SMG6: variants seen among roughly 807,000 people sequenced by gnomAD.
The protein encoded by SMG6 is telomerase-binding protein EST1A.
Under a neutral mutation model 142.2 loss-of-function variants are expected in SMG6, and 66 were observed. That is an observed-to-expected ratio of 0.46 (90% CI 0.38 to 0.57). SMG6 has a LOEUF of 0.57. Ranked by LOEUF, SMG6 falls within the 20% of genes least tolerant of loss-of-function variation. SMG6 has a pLI of 0.00. For missense variants in SMG6, 1,793 were observed against 1,832.0 expected, an observed-to-expected ratio of 0.98 and a Z score of 0.39; for synonymous variants, 779 against 702.4, an observed-to-expected ratio of 1.11 and a Z score of -1.72.
At chr17:2,269,743 A>C (rs556572584) in intron 8 of SMG6, among the ~76,000 whole-genome samples, 9 of 152,324 alleles carry the variant, frequency 5.9e-5, no homozygotes, top group African/African-American at 2.2e-4. Flanking sequence ...GCAAAATTCC[A>C]AGCAGAAACT....
chr17:2,210,756 C>T (rs2072826765), intron 10 of SMG6, among the ~76,000 whole-genome samples: 1 of 126,176 alleles, frequency 7.9e-6, no homozygotes, highest in Non-Finnish European at 1.7e-5. Context: ...AAGGCAAAAG[C>T]TTTAAAAAAA....
chr17:2,188,462 C>A lies in SMG6; in HGVS notation c.2923G>T (p.Gly975Cys). 1 of 1,614,092 alleles carries A rather than the reference C, an allele frequency of 6.2e-7. No individual in the cohort carries two copies. The highest frequency in any genetic ancestry group is 8.5e-7 in the Non-Finnish European group (1 of 1,180,000). Reference protein sequence around the residue: ...SVIQEQAAALGLAMFSLLVRR... With the variant: ...SVIQEQAAALCLAMFSLLVRR... ...ACCAGTAGAGAAAACATGGCCAAGC[C>A]CAGAGCTGCGGCTTGTTCCTGGATC... Residue 975 changes from glycine to cysteine, a missense_variant, in exon 11 of 19, where the codon GGC becomes TGC. Gly to Cys is a radical substitution (Grantham distance 159). Coordinates refer to ENST00000263073, the MANE Select transcript of SMG6 (RefSeq NM_017575.5).
intron 8 of SMG6, among the ~76,000 whole-genome samples, chr17:2,275,660 C>G (rs2074632597): frequency 6.6e-6 from 1 of 152,146 alleles, no homozygotes; most frequent in Non-Finnish European, 1.5e-5. Flanking sequence ...TCAGCAACAA[C>G]CCAGTTGACA....
At chr17:2,254,380 G>A (rs927668474) in intron 8 of SMG6, among the ~76,000 whole-genome samples, 6 of 152,194 alleles carry the variant, frequency 3.9e-5, no homozygotes, top group Admixed American at 6.5e-5. Flanking sequence ...TGTGGCCCAA[G>A]CTGGAGTACA....
At chr17:2,250,111 T>C (rs1367755205) in intron 8 of SMG6, among the ~76,000 whole-genome samples, 1 of 152,186 alleles carries the variant, frequency 6.6e-6, no homozygotes, top group African/African-American at 2.4e-5. Context: ...AAATTGTGTC[T>C]AAGGGCTTGG....
At position 2,085,941 on chromosome 17, in the gene SMG6, G is replaced by A; in HGVS notation, c.3358-40C>T. On this transcript the variant is annotated intron_variant, in intron 13 of 18. Coordinates refer to ENST00000263073, the MANE Select transcript of SMG6 (RefSeq NM_017575.5). This position sits in a 1 kb window ranked among gnomAD's most constrained non-coding sequence, Gnocchi z 4.1. ...GGAGAGAAGAAAAACAGCATTTTCT[G>A]AAAGGGAAGATGGAGACGAGATGTT... 1 of 1,596,746 alleles carries A rather than the reference G, an allele frequency of 6.3e-7. No homozygotes were observed.
At chr17:2,190,377 G>C (rs2072122610) in intron 10 of SMG6, among the ~76,000 whole-genome samples, 1 of 152,210 alleles carries the variant, frequency 6.6e-6, no homozygotes, top group African/African-American at 2.4e-5. Context: ...AAGGGATGGA[G>C]GGGGGTGTCC....
chr17:2,063,153 C>A (rs954774777), intron 18 of SMG6: 1 of 152,204 alleles, frequency 6.6e-6, no homozygotes. Flanking sequence ...CTTAGGTCAG[C>A]TAACCAAGGC....
At position 2,188,453 on chromosome 17, in the gene SMG6, T is replaced by C. The variant is rs1289359826; in HGVS notation, c.2932A>G (p.Met978Val). 1 of 1,613,950 alleles carries C rather than the reference T, an allele frequency of 6.2e-7. No individual in the cohort carries two copies. The highest frequency in any genetic ancestry group is 1.3e-5 in the African/African-American group (1 of 74,880). Reference protein sequence around the residue: ...QEQAAALGLAMFSLLVRRCTC... With the variant: ...QEQAAALGLAVFSLLVRRCTC... ...CAGCGGCGGACCAGTAGAGAAAACATGGCCAAGCCCAGAGCTGCGGCTTGT... is the reference window on the plus strand; with the variant it reads ...CAGCGGCGGACCAGTAGAGAAAACACGGCCAAGCCCAGAGCTGCGGCTTGT... The change falls in exon 11 of 19, where the codon ATG becomes GTG. Residue 978 changes from methionine (M) to valine (V), a missense_variant. Physicochemically the swap from Met to Val is conservative, Grantham distance 21. This residue lies in a region of SMG6 where 1,597 missense variants were observed against 1,584.6 expected (regional missense o/e 1.01). Transcript: ENST00000263073.
chr17:2,269,646 G>A (rs553826602), intron 8 of SMG6, among the ~76,000 whole-genome samples: 2 of 152,214 alleles, frequency 1.3e-5, no homozygotes, highest in South Asian at 2.1e-4. Context: ...GTGTAGCCAC[G>A]TATTCCAACT....
intron 13 of SMG6, among the ~76,000 whole-genome samples, chr17:2,125,239 C>T (rs1197951954): frequency 2.0e-5 from 3 of 152,122 alleles, no homozygotes; most frequent in South Asian, 4.1e-4. Flanking sequence ...CTCATATCTC[C>T]GAGACAGAGA....
chr17:2,249,693 A>G (rs1330294754), intron 8 of SMG6, among the ~76,000 whole-genome samples: 1 of 152,174 alleles, frequency 6.6e-6, no homozygotes, highest in African/African-American at 2.4e-5. Flanking sequence ...TTACTTCTCA[A>G]ATTGTGAGGC....
intron 13 of SMG6, among the ~76,000 whole-genome samples, chr17:2,168,317 C>T (rs1175410031): frequency 1.3e-5 from 2 of 152,040 alleles, no homozygotes; most frequent in Non-Finnish European, 2.9e-5. Flanking sequence ...CTCAGCCTCC[C>T]GAGTAGCTGG....
rs781754313 is a variant in SMG6, at chr17:2,065,460, G to T, written c.4047+8C>A. On this transcript the variant is annotated splice_region_variant and intron_variant, in intron 17 of 18. Transcript: ENST00000263073. ...TGTGGGCTTTCCCTTCCTGCCACAGGGTCTCACCAGCTGGCCAGTGATGTC... is the reference window on the plus strand; with the variant it reads ...TGTGGGCTTTCCCTTCCTGCCACAGTGTCTCACCAGCTGGCCAGTGATGTC... 6.2e-7 allele frequency: 1 copy of T among 1,610,284 alleles called. No homozygotes were observed. Among genetic ancestry groups the T allele is most frequent in the Non-Finnish European group, 8.5e-7 (1 of 1,179,228 alleles).
intron 8 of SMG6, among the ~76,000 whole-genome samples, chr17:2,273,234 G>A (rs11872068): frequency 0.42 from 63,098 of 151,776 alleles, 14,088 homozygotes; most frequent in African/African-American, 0.59. Context: ...TTATATAACT[G>A]GTCAGGTGTG....
chr17:2,297,563 A>AACACACAC (rs113462824), intron 3 of SMG6, among the ~76,000 whole-genome samples: 4 of 150,724 alleles, frequency 2.7e-5, no homozygotes, highest in Non-Finnish European at 5.9e-5. Context: ...TGAACACATG[A>AACACACAC]ACACACACAC....
intron 12 of SMG6, among the ~76,000 whole-genome samples, chr17:2,176,023 G>A (rs966192177): frequency 6.6e-6 from 1 of 152,188 alleles, no homozygotes; most frequent in African/African-American, 2.4e-5. Context: ...GTGAGGGAGT[G>A]TCAGGAAACT....
intron 18 of SMG6, among the ~76,000 whole-genome samples, chr17:2,064,186 C>A (rs2067869269): frequency 6.6e-6 from 1 of 152,126 alleles, no homozygotes; most frequent in Admixed American, 6.5e-5. Context: ...TGACAAGAGA[C>A]CACTTATAGG....
At chr17:2,275,160 G>A (rs931338536) in intron 8 of SMG6, among the ~76,000 whole-genome samples, 8 of 152,142 alleles carry the variant, frequency 5.3e-5, no homozygotes, top group African/African-American at 1.2e-4. Context: ...GGTGGCTGAC[G>A]CCTGTCATCC....
Sources: gnomAD v4.1 joint callset for allele counts (sites outside exome capture counted in the v4.1 genomes callset) on GRCh38, gnomAD v4.1.1 for gene constraint, gnomAD v4.1.1 regional missense constraint, Gnocchi (gnomAD v3.1) non-coding constraint, MANE v1.5 for transcripts, NCBI Gene and HGNC (gene_info 2026-07-23, HGNC 2026-07-21) for gene names.